The following COL20A1 variants were observed in gnomAD, a reference collection of about 807,000 sequenced individuals.
COL20A1 encodes collagen type XX alpha 1 chain, also known as collagen alpha-1(XX) chain.
In COL20A1, 164 loss-of-function variants were observed where a neutral mutation model predicts 152.9. That is an observed-to-expected ratio of 1.07 (90% CI 0.94 to 1.22). The LOEUF is 1.22. COL20A1 is among the 50% of genes most tolerant of loss of function. COL20A1 has a pLI of 0.00. For synonymous variants in COL20A1, 864 were observed against 756.0 expected (o/e 1.14, Z -2.34); for missense variants, 1,873 against 1,744.8 (o/e 1.07, Z -1.31).
Position 63,305,774 on chromosome 20 carries a change from G to A in COL20A1, c.338-107G>A. On this transcript the variant is annotated intron_variant, in intron 4 of 35. Coordinates refer to ENST00000358894, the MANE Select transcript of COL20A1 (RefSeq NM_020882.4). This position sits in a 1 kb window ranked among gnomAD's most constrained non-coding sequence, Gnocchi z 4.9. ...ATCTTTGCATGCCTCCCAGGCTCCTGGGCCCTCAGCACCCACAGATGCGCC... is the reference window on the plus strand; with the variant it reads ...ATCTTTGCATGCCTCCCAGGCTCCTAGGCCCTCAGCACCCACAGATGCGCC... 1 of 1,260,940 alleles carries A rather than the reference G, an allele frequency of 7.9e-7. No homozygotes were observed. The highest frequency in any genetic ancestry group is 2.4e-4 in the Middle Eastern group (1 of 4,140). 78.1% of individuals were successfully genotyped at this position (1,260,940 alleles called of 1,614,324 possible).
Position 63,312,562 on chromosome 20 carries a change from AGGCTGG to A in COL20A1, c.1933+22_1933+27del, listed in dbSNP as rs759286210. 6.4e-7 allele frequency: 1 copy of A among 1,553,446 alleles called. No individual in the cohort carries two copies. The highest frequency in any genetic ancestry group is 1.2e-5 in the South Asian group (1 of 83,866). On this transcript the variant is annotated intron_variant, in intron 15 of 35. Coordinates refer to ENST00000358894, the MANE Select transcript of COL20A1 (RefSeq NM_020882.4). ...CGGGTGACCACCAGTGAGTGGGGAG[AGGCTGG>A]GGCTGGGGGTCCAGCAGGGTTTCTG...
chr20:63,308,123 GAGGGCGGA>G (rs777345141), intron 7 of COL20A1, 33 bp downstream of exon 7: 1 of 1,608,156 alleles, frequency 6.2e-7, no homozygotes, highest in African/African-American at 1.3e-5. Flanking sequence ...CCTCTGTCCT[GAGGGCGGA>G]CCTCCTTCTG....
At position 63,329,612 on chromosome 20, in the gene COL20A1, G is replaced by T; in HGVS notation, c.3809G>T (p.Gly1270Val). ...GAGCCTGGAGCTGTTGGTCAGATGG[G>T]CAGCCCTGGGCAGCAGGGGGCTAGC... ...RGEPGAVGQMGSPGQQGASTQ... is the reference protein window; with the variant it reads ...RGEPGAVGQMVSPGQQGASTQ... Residue 1270 changes from glycine (G) to valine (V), a missense_variant, in exon 35 of 36, where the codon GGC becomes GTC. Physicochemically the swap from Gly to Val is moderately radical, Grantham distance 109. Transcript: ENST00000358894. The T allele has an allele frequency of 6.2e-7, 1 of 1,607,654 alleles. No homozygotes were observed. The highest frequency in any genetic ancestry group is 8.5e-7 in the Non-Finnish European group (1 of 1,178,670).
At chr20:63,298,126 G>A (rs1192419606) in intron 3 of COL20A1, 106 bp downstream of exon 3, 1 of 688,536 alleles carries the variant, frequency 1.5e-6, no homozygotes. Context: ...CCTCCCACCA[G>A]CCCCTTAGTG....
chr20:63,307,883 G>T, intron 6 of COL20A1, 88 bp from the exon 7 acceptor site: 2 of 1,495,516 alleles, frequency 1.3e-6, no homozygotes, highest in Non-Finnish European at 1.8e-6. Context: ...ACAGAGGCAC[G>T]TGCAGCTCTC....
rs2068358546 is a variant in COL20A1, at chr20:63,333,535, G to A, written c.*2819G>A. 2 of 152,226 alleles carry A rather than the reference G, an allele frequency of 1.3e-5. No homozygotes were observed. The highest frequency in any genetic ancestry group is 4.8e-5 in the African/African-American group (2 of 41,448). 9.4% of individuals were successfully genotyped at this position (152,226 alleles called of 1,614,324 possible). On this transcript the variant is annotated 3_prime_UTR_variant, in exon 36 of 36. Transcript: ENST00000358894. ...CGAGTGGCTCTGCCTGAGGCCCCAA[G>A]AGCGACCTTGGAAGCTCCAGGCCTT...
In COL20A1 at chr20:63,326,745, T is replaced by C; in HGVS notation, c.3457-7T>C. On this transcript the variant is annotated splice_region_variant and splice_polypyrimidine_tract_variant and intron_variant, in intron 30 of 35. Coordinates refer to ENST00000358894, the MANE Select transcript of COL20A1 (RefSeq NM_020882.4). Reference sequence around the variant, plus strand: ...CAAGCCAAACCCTGACTTCTGTGTCTATGCAGGGGTTCCAGGGCATGGCAG... The same window carrying C: ...CAAGCCAAACCCTGACTTCTGTGTCCATGCAGGGGTTCCAGGGCATGGCAG... The C allele has an allele frequency of 6.9e-7, 1 of 1,448,506 alleles. No individual in the cohort carries two copies. The highest frequency in any genetic ancestry group is 9.1e-7 in the Non-Finnish European group (1 of 1,104,456). 89.7% of individuals were successfully genotyped at this position (1,448,506 alleles called of 1,614,324 possible).
chr20:63,314,637 G>A (rs1164115987), intron 19 of COL20A1, among the ~76,000 whole-genome samples: 1 of 152,136 alleles, frequency 6.6e-6, no homozygotes, highest in Non-Finnish European at 1.5e-5. Context: ...TCCCCGGCGA[G>A]GCAGCCTTCC....
At chr20:63,300,875 C>T (rs1030647640) in intron 3 of COL20A1, among the ~76,000 whole-genome samples, 2 of 152,056 alleles carry the variant, frequency 1.3e-5, no homozygotes, top group African/African-American at 2.4e-5. Context: ...ATTTTTGTTA[C>T]GATATTTTTA....
At chr20:63,310,174 G>T (rs558109123) in intron 10 of COL20A1, among the ~76,000 whole-genome samples, 1 of 152,122 alleles carries the variant, frequency 6.6e-6, no homozygotes, top group Admixed American at 6.5e-5. Flanking sequence ...GACTCAGAGC[G>T]CCTTCTCCCT....
At chr20:63,324,651 C>A (rs998081277) in intron 27 of COL20A1, 1 of 152,516 alleles carries the variant, frequency 6.6e-6, no homozygotes, top group Non-Finnish European at 1.5e-5. Context: ...GACGTGGTCG[C>A]TGAATTCTCG....
Position 63,313,190 on chromosome 20 carries a change from T to C in COL20A1, c.2150T>C (p.Ile717Thr). Residue 717 changes from isoleucine (I) to threonine (T), a missense_variant, in exon 17 of 36, where the codon ATC (isoleucine) becomes ACC (threonine). By Grantham distance (89) the Ile-to-Thr change is moderately conservative (BLOSUM62 -1). Transcript: ENST00000358894. The surrounding 1 kb of genome is among the most constrained non-coding windows in gnomAD (Gnocchi z 5.9). Reference protein sequence around the residue: ...LGRHTEYDVTILAYYRDGARS... With the variant: ...LGRHTEYDVTTLAYYRDGARS... ...AGGCACACAGAGTACGACGTCACCA[T>C]CTTGGCCTACTACAGGGACGGGGCC... The C allele has an allele frequency of 6.2e-7, 1 of 1,612,522 alleles. No homozygotes were observed. The highest frequency in any genetic ancestry group is 8.5e-7 in the Non-Finnish European group (1 of 1,179,720).
chr20:63,325,103 CAGTG>C, intron 27 of COL20A1: 1 of 438,318 alleles, frequency 2.3e-6, no homozygotes, highest in Non-Finnish European at 4.4e-6. Context: ...CCAGGGTGAG[CAGTG>C]AGGGTGCTGG....
rs1257624618 is a variant in COL20A1, at chr20:63,311,887, T to C, written c.1664-29T>C. On this transcript the variant is annotated intron_variant, in intron 13 of 35. Coordinates refer to ENST00000358894, the MANE Select transcript of COL20A1 (RefSeq NM_020882.4). The surrounding 1 kb of genome is among the most constrained non-coding windows in gnomAD (Gnocchi z 4.4). ...TGCCCCTGCCATGGAGGCCGCGTGC[T>C]GGCCTTGAGGCTCTGCTGTGCTTTG... The C allele has an allele frequency of 2.0e-6, 3 of 1,517,554 alleles. No individual in the cohort carries two copies. In the Admixed American group the frequency reaches 6.1e-5, roughly 31 times the overall value. The allele number at this position is 1,517,554 out of a possible 1,614,324, so 94.0% of individuals were successfully genotyped here.
chr20:63,327,751 C>T (rs893415524), intron 31 of COL20A1: 22 of 604,426 alleles, frequency 3.6e-5, no homozygotes, highest in African/African-American at 1.9e-4. Context: ...GCTGCAGAAC[C>T]GAGCCTCTCA....
In COL20A1 at chr20:63,327,957, G is replaced by T. The variant is rs761804144; in HGVS notation, c.3534G>T (p.Leu1178=). 24 of 1,601,612 alleles carry T rather than the reference G, an allele frequency of 1.5e-5. 1 individual carries two copies. In the African/African-American group the frequency reaches 1.7e-4, roughly 12 times the overall value. Residue 1178 remains leucine, a synonymous_variant, in exon 32 of 36, where the codon CTG becomes CTT. Coordinates refer to ENST00000358894, the MANE Select transcript of COL20A1 (RefSeq NM_020882.4). ...GPPGTVGPTG[L]PGPKGERGEK... Reference sequence around the variant, plus strand: ...TCTCTTCCCCTCCTCATCAGGGACTGCCAGGGCCCAAAGGGGAACGAGGAG... The same window carrying T: ...TCTCTTCCCCTCCTCATCAGGGACTTCCAGGGCCCAAAGGGGAACGAGGAG...
At position 63,319,675 on chromosome 20, in the gene COL20A1, C is replaced by A; in HGVS notation, c.2916+79C>A. The A allele has an allele frequency of 1.1e-6, 1 of 943,468 alleles. No individual in the cohort carries two copies. Among genetic ancestry groups the A allele is most frequent in the Non-Finnish European group, 1.6e-6 (1 of 608,824 alleles). 58.4% of individuals were successfully genotyped at this position (943,468 alleles called of 1,614,324 possible). A position where few individuals can be genotyped will look rare whatever the true frequency, so the allele number is the denominator to read the frequency against. On this transcript the variant is annotated intron_variant, in intron 23 of 35. Transcript: ENST00000358894. The surrounding 1 kb of genome is among the most constrained non-coding windows in gnomAD (Gnocchi z 4.4). ...CAGCCCCACAGGGACCTGCCGGATG[C>A]CAACTCCTCTCCCTAGGAGAGCAGG...
chr20:63,330,680 C>T (rs2068321791), intron 35 of COL20A1, 40 bp from the exon 36 acceptor site: 1 of 152,358 alleles, frequency 6.6e-6, no homozygotes, highest in African/African-American at 2.4e-5. Context: ...GTCCAGCTGT[C>T]TTCGGCCTCT....
intron 27 of COL20A1, among the ~76,000 whole-genome samples, chr20:63,323,679 G>T (rs1306337000): frequency 6.6e-6 from 1 of 152,164 alleles, no homozygotes; most frequent in African/African-American, 2.4e-5. Context: ...GTATTTTGGG[G>T]TTTTTCAGAT....
Sources: gnomAD v4.1 joint callset for allele counts (sites outside exome capture counted in the v4.1 genomes callset) on GRCh38, gnomAD v4.1.1 for gene constraint, Gnocchi (gnomAD v3.1) non-coding constraint, MANE v1.5 for transcripts, NCBI Gene and HGNC (gene_info 2026-07-23, HGNC 2026-07-21) for gene names.